WDFY4: variants seen among roughly 807,000 people sequenced by gnomAD.
WDFY4 encodes WDFY family member 4.
Under a neutral mutation model 351.9 loss-of-function variants are expected in WDFY4, and 169 were observed. That is an observed-to-expected ratio of 0.48 (90% CI 0.42 to 0.55). The LOEUF is 0.55. WDFY4 is among the 20% of genes least tolerant of loss of function. The probability of loss-of-function intolerance (pLI) is 0.00; values close to 1 mark genes in which losing one functional copy is unlikely to be tolerated. For synonymous variants in WDFY4, 1,622 were observed against 1,574.6 expected (o/e 1.03, Z -0.71); for missense variants, 3,803 against 3,935.6 (o/e 0.97, Z 0.90).
At chr10:48,947,175 A>C (rs552928266) in intron 51 of WDFY4, among the ~76,000 whole-genome samples, 3 of 152,360 alleles carry the variant, frequency 2.0e-5, no homozygotes, top group African/African-American at 7.2e-5. Context: ...TTACACCTGC[A>C]CATCTGCCCA....
Position 48,690,553 on chromosome 10 carries a change from A to G in WDFY4, c.-18+5552A>G, listed in dbSNP as rs556082476. On this transcript the variant is annotated intron_variant, in intron 1 of 61. Transcript: ENST00000325239. ...ACAGCTAAAAGGAGACCTAGTGGGT[A>G]GCTTCTCTCTATAGGCAGGTTGTCC... is the stretch of plus-strand genomic sequence containing the variant. Among the ~76,000 whole-genome samples the G allele has an allele frequency of 5.9e-5, 9 of 152,258 alleles. No homozygotes were observed. In the East Asian group the frequency reaches 1.7e-3, roughly 29 times the overall value.
At chr10:48,698,082 C>G (rs912402993) in intron 1 of WDFY4, among the ~76,000 whole-genome samples, 6 of 152,208 alleles carry the variant, frequency 3.9e-5, no homozygotes, top group African/African-American at 1.4e-4. Flanking sequence ...AGAGCCTCTC[C>G]TGTGACCTGC....
At chr10:48,811,838 T>C (rs1419542078) in intron 30 of WDFY4, 130 bp downstream of exon 30, 1 of 942,992 alleles carries the variant, frequency 1.1e-6, no homozygotes, top group Non-Finnish European at 1.6e-6. Context: ...GCTGGCCCAC[T>C]TCCCTCCCTA....
At chr10:48,688,438 T>C (rs1410417810) in intron 1 of WDFY4, among the ~76,000 whole-genome samples, 1 of 152,204 alleles carries the variant, frequency 6.6e-6, no homozygotes, top group African/African-American at 2.4e-5. Context: ...ACGTGGTCTG[T>C]CTCTCCACTT....
intron 12 of WDFY4, among the ~76,000 whole-genome samples, chr10:48,751,244 T>C (rs996699525): frequency 2.0e-5 from 3 of 152,238 alleles, no homozygotes; most frequent in African/African-American, 7.2e-5. Context: ...AGGAGACCAC[T>C]GAGCTAAACA....
chr10:48,831,950 ACTT>A (rs2068204331), intron 38 of WDFY4, among the ~76,000 whole-genome samples: 1 of 152,226 alleles, frequency 6.6e-6, no homozygotes, highest in Non-Finnish European at 1.5e-5. Context: ...AAAAGGTCCC[ACTT>A]CTTAGTACCA....
chr10:48,788,084 A>G (rs986596752), intron 20 of WDFY4, among the ~76,000 whole-genome samples: 2 of 148,840 alleles, frequency 1.3e-5, no homozygotes, highest in South Asian at 4.3e-4. Flanking sequence ...CTGGAGTGCA[A>G]TGTCATGATC....
intron 1 of WDFY4, among the ~76,000 whole-genome samples, chr10:48,704,967 A>G (rs2889688): frequency 0.97 from 147,813 of 152,256 alleles, 71,893 homozygotes; most frequent in East Asian, 1. Flanking sequence ...CTGGTGAGAG[A>G]ACCTGTTGTC....
At position 48,941,857 on chromosome 10, in the gene WDFY4, G is replaced by A. The variant is rs1342116754; in HGVS notation, c.7629+9G>A. 2.6e-6 allele frequency: 4 copies of A among 1,551,716 alleles called. No homozygotes were observed. The highest frequency in any genetic ancestry group is 1.2e-5 in the South Asian group (1 of 84,062). On this transcript the variant is annotated intron_variant, in intron 48 of 61. Coordinates refer to ENST00000325239, the MANE Select transcript of WDFY4 (RefSeq NM_001394531.1). ...TGCTGCAGAAGTGGCAGGTACAGTAGCTCCTCCAGAGGGAAGCCCTCTGGG... is the reference window on the plus strand; with the variant it reads ...TGCTGCAGAAGTGGCAGGTACAGTAACTCCTCCAGAGGGAAGCCCTCTGGG...
intron 43 of WDFY4, among the ~76,000 whole-genome samples, chr10:48,878,990 AAC>A (rs1264919977): frequency 6.6e-6 from 1 of 152,268 alleles, no homozygotes; most frequent in African/African-American, 2.4e-5. Context: ...TAAAATATAT[AAC>A]ACATGTATGC....
At chr10:48,884,563 T>G (rs1020529039) in intron 43 of WDFY4, among the ~76,000 whole-genome samples, 2 of 146,876 alleles carry the variant, frequency 1.4e-5, no homozygotes, top group Non-Finnish European at 3.0e-5. Context: ...CACACACACA[T>G]GCACACCTGA....
chr10:48,780,165 C>CT, intron 19 of WDFY4, 46 bp downstream of exon 19: 1 of 1,545,990 alleles, frequency 6.5e-7, no homozygotes, highest in Non-Finnish European at 8.8e-7. Context: ...ACCATACCTC[C>CT]TGCTACTACC....
chr10:48,787,500 A>C (rs1225790219), intron 20 of WDFY4, among the ~76,000 whole-genome samples: 1 of 152,236 alleles, frequency 6.6e-6, no homozygotes, highest in Non-Finnish European at 1.5e-5. Context: ...TTCTATATTC[A>C]TGGCACCTTT....
At chr10:48,821,593 GC>G (rs1349915689) in intron 34 of WDFY4, among the ~76,000 whole-genome samples, 4 of 152,218 alleles carry the variant, frequency 2.6e-5, no homozygotes, top group Admixed American at 6.5e-5. Context: ...ATGCTGCCAT[GC>G]CCCTTCAGAG....
chr10:48,697,475 G>A (rs2063361597), intron 1 of WDFY4, among the ~76,000 whole-genome samples: 1 of 152,224 alleles, frequency 6.6e-6, no homozygotes, highest in Admixed American at 6.5e-5. Flanking sequence ...GGCCTCCAAG[G>A]TGATCTGGTG....
intron 5 of WDFY4, 126 bp downstream of exon 5, chr10:48,723,693 G>T: frequency 7.3e-7 from 1 of 1,365,736 alleles, no homozygotes; most frequent in Non-Finnish European, 9.8e-7. Context: ...TGTTCTCCCA[G>T]AGGGTCTAAC....
At chr10:48,829,230 C>T (rs1320129313) in intron 37 of WDFY4, among the ~76,000 whole-genome samples, 4 of 152,118 alleles carry the variant, frequency 2.6e-5, no homozygotes, top group Non-Finnish European at 5.9e-5. Flanking sequence ...GGGTACTCTA[C>T]GGTAAATTAA....
intron 9 of WDFY4, among the ~76,000 whole-genome samples, chr10:48,732,512 A>G (rs1012961438): frequency 6.6e-6 from 1 of 152,154 alleles, no homozygotes; most frequent in Non-Finnish European, 1.5e-5. Flanking sequence ...CTTCAGACTT[A>G]AGCCAAGGTC....
Position 48,820,331 on chromosome 10 carries a change from A to G in WDFY4, c.5603A>G (p.His1868Arg), listed in dbSNP as rs1432289175. The G allele has an allele frequency of 6.4e-7, 1 of 1,551,616 alleles. No individual in the cohort carries two copies. The highest frequency in any genetic ancestry group is 8.7e-7 in the Non-Finnish European group (1 of 1,146,976). Reference sequence around the variant, plus strand: ...GGTCTCCAGGCTCCCACCAAGGCACATCCCGCCCGGAGGAAGCTGAGGGAG... The same window carrying G: ...GGTCTCCAGGCTCCCACCAAGGCACGTCCCGCCCGGAGGAAGCTGAGGGAG... ...VEGLQAPTKA[H>R]PARRKLREFT... The change falls in exon 33 of 62, where the codon CAT becomes CGT. Residue 1868 changes from histidine (H) to arginine (R), a missense_variant. Around this residue, in one of 3 missense-constraint regions of WDFY4, gnomAD observed 3,054 missense variants for 3,148.6 expected, o/e 0.97. Coordinates refer to ENST00000325239, the MANE Select transcript of WDFY4 (RefSeq NM_001394531.1).
Sources: gnomAD v4.1 joint callset for allele counts (sites outside exome capture counted in the v4.1 genomes callset) on GRCh38, gnomAD v4.1.1 for gene constraint, gnomAD v4.1.1 regional missense constraint, MANE v1.5 for transcripts, NCBI Gene and HGNC (gene_info 2026-07-23, HGNC 2026-07-21) for gene names.